The following TRIM54 variants were observed in gnomAD, a reference collection of about 807,000 sequenced individuals.
TRIM54 encodes tripartite motif-containing protein 54.
TRIM54 carries 40 observed loss-of-function variants against 42.0 expected under a neutral mutation model. The ratio of observed to expected loss-of-function variants is 0.95; its 90% confidence interval spans 0.74 to 1.24. TRIM54 has a LOEUF of 1.24. TRIM54 is among the 50% of genes most tolerant of loss of function. The probability of loss-of-function intolerance (pLI) is 0.00; values close to 1 mark genes in which losing one functional copy is unlikely to be tolerated. For synonymous variants in TRIM54, 199 were observed against 194.9 expected (o/e 1.02, Z -0.17); for missense variants, 485 against 480.3 (o/e 1.01, Z -0.09).
intron 3 of TRIM54, among the ~76,000 whole-genome samples, chr2:27,303,580 G>A (rs1370449033): frequency 1.3e-5 from 2 of 152,008 alleles, no homozygotes; most frequent in African/African-American, 4.8e-5. Context: ...GAGACCGTAG[G>A]TTAAACTAGG....
intron 1 of TRIM54, among the ~76,000 whole-genome samples, chr2:27,286,219 T>G (rs1678554576): frequency 6.6e-6 from 1 of 151,922 alleles, no homozygotes; most frequent in Non-Finnish European, 1.5e-5. Flanking sequence ...GATCTTGAAC[T>G]CCTGGGCTCA....
rs1572532339 is a variant in TRIM54 at position 27,305,056 on chromosome 2, T to C, written c.609+2T>C. 6.2e-7 allele frequency: 1 copy of C among 1,612,990 alleles called. No individual in the cohort carries two copies. Among genetic ancestry groups the C allele is most frequent in the African/African-American group, 1.3e-5 (1 of 74,852 alleles). On this transcript the variant is annotated splice_donor_variant, in intron 4 of 8. Transcript: ENST00000380075. LOFTEE classifies it high-confidence loss of function. ...GAGGAGGTGTGCCAGACTATCGAGG[T>C]GAGCCTGGGCTGGAGGGAGGGAGGA...
At chr2:27,301,717 C>T (rs1679042465) in intron 3 of TRIM54, among the ~76,000 whole-genome samples, 3 of 152,078 alleles carry the variant, frequency 2.0e-5, no homozygotes, top group Non-Finnish European at 2.9e-5. Flanking sequence ...CTATCTCATC[C>T]TATGACTTAG....
At position 27,296,213 on chromosome 2, in the gene TRIM54, G is replaced by A. The variant is rs368108804; in HGVS notation, c.169-2354G>A. On this transcript the variant is annotated intron_variant, in intron 1 of 8. Coordinates refer to ENST00000380075, the MANE Select transcript of TRIM54 (RefSeq NM_187841.3). Reference sequence around the variant, plus strand: ...TTGGCTGCACTCTGTGCATGATGGGGTGTTGCTGCACACACGCAAGGGGCC... The same window carrying A: ...TTGGCTGCACTCTGTGCATGATGGGATGTTGCTGCACACACGCAAGGGGCC... Among the ~76,000 whole-genome samples, 60 of 152,340 alleles carry A rather than the reference G, an allele frequency of 3.9e-4. No individual in the cohort carries two copies. The South Asian group carries it at 5.0e-3, about 13-fold the overall frequency.
rs1232876322 is a variant in TRIM54, at chr2:27,298,532, C to T, written c.169-35C>T. The T allele has an allele frequency of 1.9e-6, 3 of 1,589,672 alleles. No homozygotes were observed. In the African/African-American group the frequency reaches 4.0e-5, roughly 21 times the overall value. ...CTCCTCCGAGTCCCTTCATGCCTCCCCGTGCCTGTTCTCTCAAGCCATCTG... is the reference window on the plus strand; with the variant it reads ...CTCCTCCGAGTCCCTTCATGCCTCCTCGTGCCTGTTCTCTCAAGCCATCTG... On this transcript the variant is annotated intron_variant, in intron 1 of 8. Transcript: ENST00000380075.
intron 1 of TRIM54, among the ~76,000 whole-genome samples, chr2:27,289,474 A>T (rs1678662313): frequency 6.6e-6 from 1 of 151,894 alleles, no homozygotes; most frequent in Non-Finnish European, 1.5e-5. Context: ...ATGCCACCAC[A>T]CCTGGCTAAT....
intron 4 of TRIM54, 36 bp downstream of exon 4, chr2:27,305,090 T>G (rs535696988): frequency 7.4e-5 from 116 of 1,576,574 alleles, no homozygotes; most frequent in Non-Finnish European, 9.1e-5. Context: ...GAACAGCAAC[T>G]GGCTAGCCTG....
chr2:27,293,707 AC>A (rs1323701876), intron 1 of TRIM54, among the ~76,000 whole-genome samples: 4 of 152,182 alleles, frequency 2.6e-5, no homozygotes, highest in African/African-American at 9.6e-5. Context: ...TTACCCTTTT[AC>A]TTTTTTTACT....
At chr2:27,304,221 TATATAGATAG>T (rs1181330733) in intron 3 of TRIM54, among the ~76,000 whole-genome samples, 156 of 124,236 alleles carry the variant, frequency 1.3e-3, no homozygotes, top group African/African-American at 5.0e-3. Flanking sequence ...CAAATATATA[TATATAGATAG>T]ATAGATAGAT....
chr2:27,305,991 T>A (rs1245140886), intron 5 of TRIM54, 89 bp from the exon 6 acceptor site: 1 of 1,555,522 alleles, frequency 6.4e-7, no homozygotes, highest in Non-Finnish European at 8.8e-7. Flanking sequence ...CCTTCCCACC[T>A]ACCCCGCAGG....
rs187862103 is a variant in TRIM54 at position 27,295,871 on chromosome 2, T to C, written c.169-2696T>C. On this transcript the variant is annotated intron_variant, in intron 1 of 8. Coordinates refer to ENST00000380075, the MANE Select transcript of TRIM54 (RefSeq NM_187841.3). The stretch of plus-strand genomic sequence containing the variant: ...TTGGGTTCTAAATATTGAAAAGTAA[T>C]TGTATTAAGCAAACAAAAGGCAAGT... Among the ~76,000 whole-genome samples, 335 of 152,330 alleles carry C rather than the reference T, an allele frequency of 2.2e-3. 1 individual carries two copies. Among genetic ancestry groups the C allele is most frequent in the African/African-American group, 7.6e-3 (316 of 41,572 alleles).
In TRIM54 at chr2:27,299,311, T is replaced by C; in HGVS notation, c.408T>C (p.Ile136=). The change falls in exon 3 of 9, where the codon ATT becomes ATC. Residue 136 remains isoleucine (I), a synonymous_variant. Transcript: ENST00000380075. ...AGCATGAAGAAGAGAAGATCAATAT[T>C]TACTGCCTGAGCTGTGAGGTGCCCA... ...CEEHEEEKIN[I]YCLSCEVPTC... 1.2e-6 allele frequency: 2 copies of C among 1,614,118 alleles called. No individual in the cohort carries two copies. The highest frequency in any genetic ancestry group is 1.7e-6 in the Non-Finnish European group (2 of 1,180,022).
Position 27,305,678 on chromosome 2 carries a change from T to TGGC in TRIM54, c.705_707dup (p.Ala236dup). On this transcript the variant is annotated inframe_insertion, in exon 5 of 9. Coordinates refer to ENST00000380075, the MANE Select transcript of TRIM54 (RefSeq NM_187841.3). ...CGCAAGGGTGAGCTGCTGCAGGCGC[T>TGGC]GGCCCGGGAGCAAGAGGAGAAGCTG... 6.2e-7 allele frequency: 1 copy of TGGC among 1,613,322 alleles called. No individual in the cohort carries two copies. Among genetic ancestry groups the TGGC allele is most frequent in the Non-Finnish European group, 8.5e-7 (1 of 1,179,790 alleles).
intron 3 of TRIM54, among the ~76,000 whole-genome samples, chr2:27,300,561 A>C (rs1474975872): frequency 6.6e-6 from 1 of 150,522 alleles, no homozygotes; most frequent in Non-Finnish European, 1.5e-5. Context: ...TACTAATAAT[A>C]ATATTTATTA....
intron 1 of TRIM54, among the ~76,000 whole-genome samples, chr2:27,283,770 A>ACGCACGCGCGCGCGCG (rs1487361341): frequency 0.021 from 2,139 of 100,310 alleles, 43 homozygotes; most frequent in South Asian, 0.066. Context: ...AAAGGCACAC[A>ACGCACGCGCGCGCGCG]CACACACACG....
chr2:27,291,554 T>G (rs1489007369), intron 1 of TRIM54, among the ~76,000 whole-genome samples: 2 of 151,984 alleles, frequency 1.3e-5, no homozygotes, highest in Non-Finnish European at 2.9e-5. Context: ...GTCATCAGTA[T>G]TATACCATAT....
At chr2:27,300,387 G>A (rs921555041) in intron 3 of TRIM54, among the ~76,000 whole-genome samples, 5 of 150,726 alleles carry the variant, frequency 3.3e-5, no homozygotes, top group Non-Finnish European at 7.4e-5. Flanking sequence ...TGGCCAGGCT[G>A]GTCTGGAACT....
chr2:27,283,964 C>T (rs111925401), intron 1 of TRIM54, among the ~76,000 whole-genome samples: 2,618 of 152,230 alleles, frequency 0.017, 25 homozygotes, highest in Middle Eastern at 0.027. Flanking sequence ...AAAACCCCAT[C>T]TCTACCAAAA....
chr2:27,296,132 C>T (rs1043795994), intron 1 of TRIM54, among the ~76,000 whole-genome samples: 3 of 152,200 alleles, frequency 2.0e-5, no homozygotes, highest in African/African-American at 4.8e-5. Flanking sequence ...AGTGGGTCCA[C>T]GTTTCCTGCC....
Sources: gnomAD v4.1 joint callset for allele counts (sites outside exome capture counted in the v4.1 genomes callset) on GRCh38, gnomAD v4.1.1 for gene constraint, MANE v1.5 for transcripts, NCBI Gene and HGNC (gene_info 2026-07-23, HGNC 2026-07-21) for gene names.